Variants in RNF13 observed in about 807,000 individuals in gnomAD.
RNF13 encodes E3 ubiquitin-protein ligase RNF13.
A neutral mutation model predicts 37.7 loss-of-function variants in RNF13; 19 were observed. That is an observed-to-expected ratio of 0.50 (90% CI 0.35 to 0.74). RNF13 has a LOEUF of 0.74. RNF13 is among the 30% of genes least tolerant of loss of function. RNF13 has a pLI of 0.01. For synonymous variants in RNF13, 144 were observed against 157.8 expected, an observed-to-expected ratio of 0.91 and a Z score of 0.65; for missense variants, 375 against 453.0, an observed-to-expected ratio of 0.83 and a Z score of 1.56.
In RNF13 at chr3:149,923,849, C is replaced by G. The variant is rs543423285; in HGVS notation, c.700+2622C>G. On this transcript the variant is annotated intron_variant, in intron 8 of 9. Transcript: ENST00000392894. ...GGAAAACATGTCATTGGCTTTTCCT[C>G]TGAGTAAGATGGGTAGCTGTAGTAG... Among the ~76,000 whole-genome samples the G allele has an allele frequency of 7.3e-5, 11 of 151,696 alleles. No homozygotes were observed. The East Asian group carries it at 2.1e-3, about 29-fold the overall frequency.
chr3:149,921,287 A>G, intron 8 of RNF13, 60 bp downstream of exon 8: 1 of 649,186 alleles, frequency 1.5e-6, no homozygotes, highest in Non-Finnish European at 2.3e-6. Flanking sequence ...GGGTGACTAT[A>G]CTCTTTAAAA....
At chr3:149,939,829 A>T in intron 8 of RNF13, 22 of 508,784 alleles carry the variant, frequency 4.3e-5, no homozygotes, top group East Asian at 1.0e-4. Flanking sequence ...GTGGGAGAGA[A>T]GGTGGACAGA....
intron 3 of RNF13, among the ~76,000 whole-genome samples, chr3:149,860,473 A>G (rs1375181744): frequency 1.3e-5 from 2 of 151,834 alleles, no homozygotes; most frequent in Non-Finnish European, 2.9e-5. Context: ...TCACATATTT[A>G]TGGCCAAATG....
intron 4 of RNF13, among the ~76,000 whole-genome samples, chr3:149,880,103 A>G (rs1345114255): frequency 6.6e-6 from 1 of 152,184 alleles, no homozygotes; most frequent in African/African-American, 2.4e-5. Flanking sequence ...CAAAATTCTT[A>G]CTGTAATTGC....
chr3:149,926,207 G>A (rs577774850), intron 8 of RNF13, among the ~76,000 whole-genome samples: 10 of 152,098 alleles, frequency 6.6e-5, no homozygotes, highest in African/African-American at 2.4e-4. Context: ...TTTTTGTTTT[G>A]TTTTGTCTTG....
At chr3:149,853,458 GA>G (rs1723317427) in intron 3 of RNF13, among the ~76,000 whole-genome samples, 441 of 14,104 alleles carry the variant, frequency 0.031, 2 homozygotes, top group African/African-American at 0.072. Context: ...GAGAGAGGGA[GA>G]GAGAGAGAGA....
At chr3:149,924,628 T>C (rs963463989) in intron 8 of RNF13, among the ~76,000 whole-genome samples, 7 of 152,154 alleles carry the variant, frequency 4.6e-5, no homozygotes, top group Non-Finnish European at 8.8e-5. Context: ...CTAGAGACTA[T>C]TGATGATCTT....
chr3:149,843,629 T>C (rs1722375085), intron 1 of RNF13, among the ~76,000 whole-genome samples: 1 of 152,230 alleles, frequency 6.6e-6, no homozygotes. Context: ...TCCATGAGCA[T>C]TGGCTTTTGA....
chr3:149,844,779 T>C (rs898506564), intron 1 of RNF13, among the ~76,000 whole-genome samples: 3 of 152,174 alleles, frequency 2.0e-5, no homozygotes, highest in South Asian at 2.1e-4. Flanking sequence ...TTTATTGAGA[T>C]ACAATTCTCA....
At chr3:149,821,951 A>G (rs771452953) in intron 1 of RNF13, among the ~76,000 whole-genome samples, 4 of 152,138 alleles carry the variant, frequency 2.6e-5, no homozygotes, top group Non-Finnish European at 5.9e-5. Flanking sequence ...TCAATTGGCT[A>G]TAGATGTATC....
At chr3:149,854,323 C>G (rs979008400) in intron 3 of RNF13, among the ~76,000 whole-genome samples, 8 of 152,118 alleles carry the variant, frequency 5.3e-5, no homozygotes, top group African/African-American at 1.9e-4. Flanking sequence ...TTATTCTTTT[C>G]TTACCTATAT....
intron 5 of RNF13, among the ~76,000 whole-genome samples, chr3:149,897,599 G>T (rs1388169369): frequency 2.0e-5 from 3 of 152,148 alleles, no homozygotes; most frequent in African/African-American, 7.2e-5. Flanking sequence ...TCTTGACTTT[G>T]TTGCTTAGAT....
At chr3:149,864,008 ATTTTTTTTTTTTTTTTTTT>A (rs535062004) in intron 3 of RNF13, among the ~76,000 whole-genome samples, 4 of 29,654 alleles carry the variant, frequency 1.3e-4, no homozygotes, top group Non-Finnish European at 1.7e-4. Context: ...TTTGATTGGA[ATTTTTTTTTTTTTTTTTTT>A]TTTTTTTTTT....
intron 8 of RNF13, chr3:149,939,283 AATC>A (rs796556897): frequency 6.4e-6 from 3 of 468,566 alleles, no homozygotes; most frequent in African/African-American, 2.1e-5. Context: ...TCATCATCAA[AATC>A]ATCATCATCG....
At chr3:149,888,330 G>A (rs1168986348) in intron 4 of RNF13, among the ~76,000 whole-genome samples, 5 of 152,062 alleles carry the variant, frequency 3.3e-5, no homozygotes, top group African/African-American at 1.2e-4. Context: ...TTGAAATAGT[G>A]AACTAAAATT....
At chr3:149,956,296 A>G (rs1230500361) in intron 8 of RNF13, among the ~76,000 whole-genome samples, 1 of 152,198 alleles carries the variant, frequency 6.6e-6, no homozygotes, top group African/African-American at 2.4e-5. Context: ...AGACCAGAGT[A>G]ATCAAGGTGA....
intron 7 of RNF13, among the ~76,000 whole-genome samples, chr3:149,914,341 A>G (rs1320497095): frequency 2.0e-5 from 3 of 152,126 alleles, no homozygotes; most frequent in Non-Finnish European, 4.4e-5. Context: ...ATATTTAGAA[A>G]GCAAGGTTTG....
At chr3:149,904,116 A>G (rs1414897018) in intron 6 of RNF13, among the ~76,000 whole-genome samples, 1 of 152,176 alleles carries the variant, frequency 6.6e-6, no homozygotes, top group Admixed American at 6.5e-5. Context: ...GCTTTTAAAG[A>G]TACAATAAAT....
chr3:149,854,934 T>G (rs1723499858), intron 3 of RNF13, among the ~76,000 whole-genome samples: 1 of 152,152 alleles, frequency 6.6e-6, no homozygotes, highest in Non-Finnish European at 1.5e-5. Flanking sequence ...TTGTTGTTAT[T>G]TTTGTTGTTT....
Sources: gnomAD v4.1 joint callset for allele counts (sites outside exome capture counted in the v4.1 genomes callset) on GRCh38, gnomAD v4.1.1 for gene constraint, MANE v1.5 for transcripts, NCBI Gene and HGNC (gene_info 2026-07-23, HGNC 2026-07-21) for gene names.